Variants in KDM4B observed in about 807,000 individuals in gnomAD.
KDM4B encodes lysine-specific demethylase 4B.
A neutral mutation model predicts 125.2 loss-of-function variants in KDM4B; 32 were observed. The observed-to-expected ratio is 0.26, with a 90% CI of 0.19 to 0.34. KDM4B has a LOEUF of 0.34. KDM4B is among the 10% of genes least tolerant of loss of function. The pLI is 1.00. For synonymous variants in KDM4B, 721 were observed against 677.9 expected (o/e 1.06, Z -0.99); for missense variants, 1,190 against 1,577.7 (o/e 0.75, Z 4.16).
chr19:5,092,387 C>T (rs2038726927), intron 9 of KDM4B, among the ~76,000 whole-genome samples: 1 of 152,210 alleles, frequency 6.6e-6, no homozygotes, highest in African/African-American at 2.4e-5. Context: ...TTGAAGACAC[C>T]TGGGTCTCCA....
At position 5,047,462 on chromosome 19, in the gene KDM4B, C is replaced by T; in HGVS notation, c.433-14C>T. The T allele has an allele frequency of 6.3e-7, 1 of 1,589,910 alleles. No homozygotes were observed. Among genetic ancestry groups the T allele is most frequent in the Non-Finnish European group, 8.6e-7 (1 of 1,165,150 alleles). The stretch of plus-strand genomic sequence containing the variant: ...TGGCCGGGCGGTTGCCGACGCTGCT[C>T]TGCCGCCCCACAGGACGTGGCCCAG... On this transcript the variant is annotated splice_polypyrimidine_tract_variant and intron_variant, in intron 5 of 22. Transcript: ENST00000159111.
intron 9 of KDM4B, among the ~76,000 whole-genome samples, chr19:5,087,066 G>C (rs533090648): frequency 6.6e-6 from 1 of 152,390 alleles, no homozygotes; most frequent in African/African-American, 2.4e-5. Context: ...GTCTTCTGCA[G>C]AGCAGGGCTG....
intron 1 of KDM4B, among the ~76,000 whole-genome samples, chr19:4,983,919 G>T (rs2034737875): frequency 6.6e-6 from 1 of 152,124 alleles, no homozygotes; most frequent in African/African-American, 2.4e-5. Context: ...TCCAAAGTGG[G>T]GGTGGCTCTG....
At chr19:4,989,645 T>G (rs2034968989) in intron 1 of KDM4B, among the ~76,000 whole-genome samples, 1 of 150,990 alleles carries the variant, frequency 6.6e-6, no homozygotes, top group South Asian at 2.1e-4. Context: ...CCAGTCTTCT[T>G]CTTCTTCTTC....
intron 1 of KDM4B, among the ~76,000 whole-genome samples, chr19:4,994,627 G>C (rs1298571441): frequency 6.8e-6 from 1 of 146,160 alleles, no homozygotes. Flanking sequence ...ATAGTATATA[G>C]TTGGATCTTG....
intron 6 of KDM4B, among the ~76,000 whole-genome samples, chr19:5,048,018 C>T (rs2037083914): frequency 6.6e-6 from 1 of 152,218 alleles, no homozygotes; most frequent in Non-Finnish European, 1.5e-5. Flanking sequence ...CAAGTGGAGA[C>T]GTTCCTGGTG....
intron 1 of KDM4B, among the ~76,000 whole-genome samples, chr19:4,982,553 A>G (rs538911511): frequency 1.4e-3 from 207 of 151,286 alleles, no homozygotes; most frequent in Middle Eastern, 3.4e-3. Flanking sequence ...TTTTATTTCT[A>G]TGTTTTTAAT....
At chr19:5,087,436 AC>A (rs1247386506) in intron 9 of KDM4B, among the ~76,000 whole-genome samples, 2 of 152,114 alleles carry the variant, frequency 1.3e-5, no homozygotes, top group Non-Finnish European at 2.9e-5. Flanking sequence ...GGGGCTGGTG[AC>A]CTTTGGACCC....
chr19:5,096,414 C>A (rs2145934169), intron 9 of KDM4B, among the ~76,000 whole-genome samples: 1 of 152,294 alleles, frequency 6.6e-6, no homozygotes, highest in Non-Finnish European at 1.5e-5. Context: ...CAACCCTACC[C>A]CATCCGGACT....
chr19:5,137,666 A>T lies in KDM4B; in HGVS notation c.2431A>T (p.Thr811Ser), dbSNP rs905030316. The change falls in exon 17 of 23, where the codon ACC becomes TCC. Residue 811 changes from threonine (T) to serine (S), a missense_variant. Thr to Ser is a moderately conservative substitution (Grantham distance 58). Around this residue, in one of 7 missense-constraint regions of KDM4B, gnomAD observed 298 missense variants for 439.7 expected, o/e 0.68. Transcript: ENST00000159111. Reference protein sequence around the residue: ...NLRGGALQMTTDRRWIHVICA... With the variant: ...NLRGGALQMTSDRRWIHVICA... Reference sequence around the variant, plus strand: ...GCGAGGAGGTGCGCTGCAGATGACCACCGATAGGAGGTGGGTGGCACCGCG... The same window carrying T: ...GCGAGGAGGTGCGCTGCAGATGACCTCCGATAGGAGGTGGGTGGCACCGCG... 3.8e-6 allele frequency: 6 copies of T among 1,591,708 alleles called. No homozygotes were observed. The highest frequency in any genetic ancestry group is 1.3e-5 in the African/African-American group (1 of 74,480).
intron 6 of KDM4B, among the ~76,000 whole-genome samples, chr19:5,053,374 G>A (rs1454656668): frequency 2.6e-5 from 4 of 152,236 alleles, no homozygotes; most frequent in Non-Finnish European, 4.4e-5. Context: ...TCTCTTCCCA[G>A]CCACACACAC....
At chr19:5,101,009 T>G (rs1189760296) in intron 9 of KDM4B, among the ~76,000 whole-genome samples, 1 of 149,868 alleles carries the variant, frequency 6.7e-6, no homozygotes, top group Non-Finnish European at 1.5e-5. Flanking sequence ...TCACCTGAGG[T>G]CAGGAGTTCA....
At chr19:5,066,984 T>G (rs2613766) in intron 6 of KDM4B, among the ~76,000 whole-genome samples, 1 of 151,924 alleles carries the variant, frequency 6.6e-6, no homozygotes, top group Admixed American at 6.5e-5. Flanking sequence ...CCGGCCGATG[T>G]GAGTCCTCAG....
rs2039961170 is a variant in KDM4B at position 5,152,223 on chromosome 19, CTG to C, written c.*715_*716del. On this transcript the variant is annotated 3_prime_UTR_variant, in exon 23 of 23. Transcript: ENST00000159111. ...TCTGGTGCCAGTGCCTGTGCCCACT[CTG>C]TGCCTGCTGGGAGGAGGCCCAGGCT... 1 of 152,264 alleles carries C rather than the reference CTG, an allele frequency of 6.6e-6. No individual in the cohort carries two copies. The highest frequency in any genetic ancestry group is 1.5e-5 in the Non-Finnish European group (1 of 68,068). The allele number at this position is 152,264 out of a possible 1,614,324, so 9.4% of individuals were successfully genotyped here. A position where few individuals can be genotyped will look rare whatever the true frequency, so the allele number is the denominator to read the frequency against.
intron 11 of KDM4B, among the ~76,000 whole-genome samples, chr19:5,123,545 G>T (rs967913484): frequency 6.6e-6 from 1 of 152,236 alleles, no homozygotes; most frequent in African/African-American, 2.4e-5. Flanking sequence ...CCAGGTCCGG[G>T]GGCTAGGACT....
At chr19:5,057,494 C>G (rs964853255) in intron 6 of KDM4B, among the ~76,000 whole-genome samples, 1 of 152,218 alleles carries the variant, frequency 6.6e-6, no homozygotes, top group African/African-American at 2.4e-5. Flanking sequence ...GACCTATCAT[C>G]TCTTCACCTG....
At chr19:5,059,982 C>CT (rs909907075) in intron 6 of KDM4B, among the ~76,000 whole-genome samples, 1 of 152,230 alleles carries the variant, frequency 6.6e-6, no homozygotes, top group African/African-American at 2.4e-5. Context: ...GAGCCTGGTG[C>CT]TGGAGCAGCT....
chr19:5,095,659 AG>A (rs2038806048), intron 9 of KDM4B, among the ~76,000 whole-genome samples: 1 of 152,082 alleles, frequency 6.6e-6, no homozygotes, highest in Non-Finnish European at 1.5e-5. Flanking sequence ...AGAGCCTGCT[AG>A]GAGGAGGGAG....
chr19:5,022,670 T>A (rs2036160787), intron 2 of KDM4B, among the ~76,000 whole-genome samples: 2 of 152,112 alleles, frequency 1.3e-5, no homozygotes, highest in South Asian at 4.2e-4. Context: ...CTCCACCTCT[T>A]GGAGTGCCGC....
Sources: allele counts gnomAD v4.1 joint callset (sites outside exome capture counted in the v4.1 genomes callset), GRCh38; gene constraint gnomAD v4.1.1; regional missense constraint gnomAD v4.1.1; transcripts MANE v1.5; gene names NCBI Gene and HGNC (gene_info 2026-07-23, HGNC 2026-07-21).